Variants in LDLRAD4 observed in about 807,000 individuals in gnomAD.
LDLRAD4 encodes low density lipoprotein receptor class A domain containing 4.
Under a neutral mutation model 17.0 loss-of-function variants are expected in LDLRAD4, and 5 were observed. The ratio of observed to expected loss-of-function variants is 0.29; its 90% CI spans 0.15 to 0.62. The LOEUF (loss-of-function observed/expected upper bound fraction) is 0.62, where lower values mean the gene tolerates loss of function less well. LDLRAD4 is among the 20% of genes least tolerant of loss of function. LDLRAD4 has a pLI of 0.84. For missense variants in LDLRAD4, 340 were observed against 424.7 expected (o/e 0.80, Z 1.75); for synonymous variants, 168 against 171.8 (o/e 0.98, Z 0.17).
intron 1 of LDLRAD4, among the ~76,000 whole-genome samples, chr18:13,253,403 G>A (rs1318278443): frequency 2.0e-5 from 3 of 152,212 alleles, no homozygotes; most frequent in Admixed American, 6.5e-5. Context: ...CATCTAGGAA[G>A]AGTAATATTT....
chr18:13,264,843 A>G (rs998841611), intron 1 of LDLRAD4, among the ~76,000 whole-genome samples: 1 of 152,260 alleles, frequency 6.6e-6, no homozygotes, highest in African/African-American at 2.4e-5. Flanking sequence ...GTGCTGTTTC[A>G]TAAAAGCGTT....
intron 4 of LDLRAD4, among the ~76,000 whole-genome samples, chr18:13,636,282 G>T (rs749965655): frequency 2.6e-5 from 4 of 151,952 alleles, no homozygotes; most frequent in Non-Finnish European, 5.9e-5. Context: ...AAAAAAGGTC[G>T]GCCCCTCCGT....
intron 2 of LDLRAD4, among the ~76,000 whole-genome samples, chr18:13,397,162 GTCTC>G (rs1200130718): frequency 3.3e-5 from 5 of 152,002 alleles, no homozygotes; most frequent in Non-Finnish European, 7.4e-5. Context: ...TTTAGACGGA[GTCTC>G]TCTCTGTCGC....
At chr18:13,396,451 G>A (rs995862767) in intron 2 of LDLRAD4, among the ~76,000 whole-genome samples, 2 of 152,196 alleles carry the variant, frequency 1.3e-5, no homozygotes, top group African/African-American at 2.4e-5. Context: ...TAAATGTTGT[G>A]TAAATAGTTG....
At chr18:13,475,826 A>G (rs2092925478) in intron 3 of LDLRAD4, among the ~76,000 whole-genome samples, 1 of 152,220 alleles carries the variant, frequency 6.6e-6, no homozygotes, top group Non-Finnish European at 1.5e-5. Flanking sequence ...AGTCAAGGAC[A>G]ATGGTGTAGA....
chr18:13,513,049 G>T (rs1256742450), intron 3 of LDLRAD4, among the ~76,000 whole-genome samples: 1 of 152,184 alleles, frequency 6.6e-6, no homozygotes, highest in Non-Finnish European at 1.5e-5. Context: ...AACGAATAAG[G>T]GTCTAAACTG....
intron 1 of LDLRAD4, among the ~76,000 whole-genome samples, chr18:13,243,266 C>T (rs1056560072): frequency 6.6e-6 from 1 of 152,216 alleles, no homozygotes. Flanking sequence ...CGGCCTCTTC[C>T]ACTTCCAGCT....
At chr18:13,355,028 T>C (rs1317423552) in intron 1 of LDLRAD4, among the ~76,000 whole-genome samples, 1 of 152,228 alleles carries the variant, frequency 6.6e-6, no homozygotes, top group East Asian at 1.9e-4. Flanking sequence ...CCACCCCATT[T>C]CTATGCCTGT....
rs889242165 is a variant in LDLRAD4 at position 13,474,801 on chromosome 18, G to T, written c.181+36417G>T. On this transcript the variant is annotated intron_variant, in intron 3 of 5. Transcript: ENST00000359446. ...TGTCTCCCGAGGTTAGGATGGCTAT[G>T]TCTGACTCGGGATTTTTGGGTGGCA... Among the ~76,000 whole-genome samples, 5 of 152,236 alleles carry T rather than the reference G, an allele frequency of 3.3e-5. No homozygotes were observed. In the East Asian group the frequency reaches 5.8e-4, roughly 18 times the overall value.
intron 2 of LDLRAD4, among the ~76,000 whole-genome samples, chr18:13,388,418 C>T (rs546787337): frequency 6.6e-6 from 1 of 152,354 alleles, no homozygotes; most frequent in East Asian, 1.9e-4. Context: ...CTCTGGGCCT[C>T]TGGCTCCTCG....
At chr18:13,458,191 G>A (rs1371097561) in intron 3 of LDLRAD4, among the ~76,000 whole-genome samples, 1 of 152,234 alleles carries the variant, frequency 6.6e-6, no homozygotes, top group Non-Finnish European at 1.5e-5. Flanking sequence ...ATGCTGAGCA[G>A]GAGCCGTGGA....
intron 3 of LDLRAD4, chr18:13,613,554 GA>G (rs2148736991): frequency 6.6e-6 from 1 of 152,282 alleles, no homozygotes; most frequent in African/African-American, 2.4e-5. Flanking sequence ...TGATTTTTTA[GA>G]AAATCCTGTC....
intron 3 of LDLRAD4, among the ~76,000 whole-genome samples, chr18:13,468,995 T>TATA (rs1491383865): frequency 6.7e-6 from 1 of 150,082 alleles, no homozygotes; most frequent in East Asian, 1.9e-4. Context: ...AAACTTAAAG[T>TATA]ATAATAATAA....
At chr18:13,318,562 T>C (rs576369143) in intron 1 of LDLRAD4, among the ~76,000 whole-genome samples, 1 of 152,280 alleles carries the variant, frequency 6.6e-6, no homozygotes, top group East Asian at 1.9e-4. Context: ...TGTGACCTCA[T>C]AAAATAGAAT....
chr18:13,369,566 C>T lies in LDLRAD4; in HGVS notation c.-382-17775C>T, dbSNP rs552158837. Among the ~76,000 whole-genome samples the T allele has an allele frequency of 3.3e-5, 5 of 151,998 alleles. No homozygotes were observed. The South Asian group carries it at 6.2e-4, about 19-fold the overall frequency. ...AGTGGAAGGGAGGCAGTGTTCGGAC[C>T]GTGAGAAGACACAGGTGCCCCGGAG... On this transcript the variant is annotated intron_variant, in intron 1 of 5. Transcript: ENST00000359446.
intron 1 of LDLRAD4, among the ~76,000 whole-genome samples, chr18:13,377,713 G>A (rs767926791): frequency 3.3e-5 from 5 of 152,076 alleles, no homozygotes; most frequent in Non-Finnish European, 7.4e-5. Context: ...TCATCATTCC[G>A]CCAGAGCACA....
intron 3 of LDLRAD4, among the ~76,000 whole-genome samples, chr18:13,610,713 A>G (rs549840008): frequency 2.8e-4 from 43 of 152,290 alleles, no homozygotes; most frequent in African/African-American, 8.9e-4. Context: ...CCAGGTGGCA[A>G]GGAGCCTCGG....
intron 3 of LDLRAD4, among the ~76,000 whole-genome samples, chr18:13,450,820 G>A (rs112508439): frequency 4.6e-5 from 7 of 152,300 alleles, no homozygotes; most frequent in Middle Eastern, 3.4e-3. Flanking sequence ...CTCTTCAGGG[G>A]GAGTGTCGTG....
intron 1 of LDLRAD4, among the ~76,000 whole-genome samples, chr18:13,307,991 A>ATTCAT (rs1567990045): frequency 6.6e-6 from 1 of 152,168 alleles, no homozygotes; most frequent in Non-Finnish European, 1.5e-5. Flanking sequence ...AAAGGCATTC[A>ATTCAT]TTCATGCCTG....
Sources: allele counts gnomAD v4.1 joint callset (sites outside exome capture counted in the v4.1 genomes callset), GRCh38; gene constraint gnomAD v4.1.1; transcripts MANE v1.5; gene names NCBI Gene and HGNC (gene_info 2026-07-23, HGNC 2026-07-21).